Variants in MAPK4 observed in about 807,000 individuals in gnomAD.
MAPK4 encodes the protein mitogen-activated protein kinase 4.
In MAPK4, 22 loss-of-function variants were observed where a neutral mutation model predicts 47.7. That is an observed-to-expected ratio of 0.46 (90% CI 0.33 to 0.66). The LOEUF is 0.66. MAPK4 is among the 30% of genes least tolerant of loss of function. MAPK4 has a pLI of 0.02. For synonymous variants in MAPK4, 390 were observed against 365.7 expected (o/e 1.07, Z -0.76); for missense variants, 736 against 831.7 (o/e 0.88, Z 1.42).
chr18:50,607,350 G>T (rs1239993035), intron 1 of MAPK4, among the ~76,000 whole-genome samples: 1 of 152,186 alleles, frequency 6.6e-6, no homozygotes, highest in South Asian at 2.1e-4. Context: ...GAGGAAGTAG[G>T]ATATGAGCCC....
chr18:50,589,235 C>T (rs567634903), intron 1 of MAPK4, among the ~76,000 whole-genome samples: 1 of 152,142 alleles, frequency 6.6e-6, no homozygotes, highest in South Asian at 2.1e-4. Context: ...TGTATCTCAC[C>T]CAAACTCAAT....
At chr18:50,675,608 C>CA (rs1208526944) in intron 2 of MAPK4, among the ~76,000 whole-genome samples, 1 of 152,226 alleles carries the variant, frequency 6.6e-6, no homozygotes, top group East Asian at 1.9e-4. Flanking sequence ...TCTCCTGCCT[C>CA]AGCTTCCCAA....
chr18:50,688,915 GAC>G (rs1909048188), intron 2 of MAPK4, among the ~76,000 whole-genome samples: 1 of 109,624 alleles, frequency 9.1e-6, no homozygotes, highest in Non-Finnish European at 1.9e-5. Context: ...AAAAAAGAAA[GAC>G]AGTGCATATC....
intron 1 of MAPK4, among the ~76,000 whole-genome samples, chr18:50,637,186 C>T (rs1308489032): frequency 6.6e-6 from 1 of 152,068 alleles, no homozygotes; most frequent in Non-Finnish European, 1.5e-5. Context: ...CCCTCAGTGA[C>T]AACAGTGATA....
intron 1 of MAPK4, among the ~76,000 whole-genome samples, chr18:50,630,991 A>T (rs1427180494): frequency 6.6e-6 from 1 of 152,176 alleles, no homozygotes; most frequent in Non-Finnish European, 1.5e-5. Flanking sequence ...ACTACTCCCT[A>T]AAATTTATTT....
chr18:50,618,074 A>G (rs2042699866), intron 1 of MAPK4, among the ~76,000 whole-genome samples: 1 of 152,180 alleles, frequency 6.6e-6, no homozygotes, highest in Non-Finnish European at 1.5e-5. Flanking sequence ...TCATATGTGT[A>G]TGTATACACT....
chr18:50,624,161 G>A (rs1401317635), intron 1 of MAPK4, among the ~76,000 whole-genome samples: 1 of 152,204 alleles, frequency 6.6e-6, no homozygotes, highest in Non-Finnish European at 1.5e-5. Context: ...ACCAGAGCAA[G>A]GACCTGTTTA....
At chr18:50,595,648 C>T (rs895360723) in intron 1 of MAPK4, among the ~76,000 whole-genome samples, 1 of 152,126 alleles carries the variant, frequency 6.6e-6, no homozygotes, top group Non-Finnish European at 1.5e-5. Context: ...CTTCAAGACT[C>T]ATTAAATTGA....
At chr18:50,642,374 A>T (rs1378182802) in intron 1 of MAPK4, among the ~76,000 whole-genome samples, 2 of 152,164 alleles carry the variant, frequency 1.3e-5, no homozygotes, top group Non-Finnish European at 2.9e-5. Flanking sequence ...GGTTCAATTG[A>T]TCATTCTAAA....
chr18:50,646,699 A>C (rs2042992636), intron 1 of MAPK4, among the ~76,000 whole-genome samples: 1 of 152,154 alleles, frequency 6.6e-6, no homozygotes, highest in African/African-American at 2.4e-5. Context: ...GGAGCACAAT[A>C]GGTCCTCCCC....
chr18:50,614,414 C>A (rs973687896), intron 1 of MAPK4, among the ~76,000 whole-genome samples: 1 of 151,710 alleles, frequency 6.6e-6, no homozygotes, highest in Non-Finnish European at 1.5e-5. Context: ...AATTTAAGAT[C>A]AAAACACATG....
At chr18:50,717,912 G>A (rs1221010183) in intron 3 of MAPK4, among the ~76,000 whole-genome samples, 1 of 152,234 alleles carries the variant, frequency 6.6e-6, no homozygotes, top group Admixed American at 6.5e-5. Flanking sequence ...CTCATCTGCT[G>A]TGTGCACAGA....
At chr18:50,592,423 C>G (rs1436503708) in intron 1 of MAPK4, among the ~76,000 whole-genome samples, 5 of 152,150 alleles carry the variant, frequency 3.3e-5, no homozygotes, top group Admixed American at 3.3e-4. Flanking sequence ...AAGCCATTCC[C>G]CCTCGCTAGG....
intron 4 of MAPK4, among the ~76,000 whole-genome samples, 176 bp from the exon 5 acceptor site, chr18:50,725,786 T>G (rs567923912): frequency 6.6e-6 from 1 of 152,358 alleles, no homozygotes; most frequent in Admixed American, 6.5e-5. Context: ...AGGCAGCATC[T>G]GCTTTGCCTT....
intron 2 of MAPK4, 60 bp from the exon 3 acceptor site, chr18:50,715,019 C>T (rs968635281): frequency 2.0e-4 from 302 of 1,543,276 alleles, no homozygotes; most frequent in African/African-American, 8.6e-4. Flanking sequence ...CTGGAAGAGG[C>T]GTGGGAGGAA....
In MAPK4 at chr18:50,572,868, C is replaced by G. The variant is rs184465624; in HGVS notation, c.-871+12625C>G. Among the ~76,000 whole-genome samples the G allele has an allele frequency of 1.9e-3, 286 of 152,290 alleles. 2 individuals carry two copies. Among genetic ancestry groups the G allele is most frequent in the African/African-American group, 6.2e-3 (259 of 41,550 alleles). ...TAATCACATTATTATTTAATTATCA[C>G]CACCAAAAGCAACGTCAGATTTCAG... On this transcript the variant is annotated intron_variant, in intron 1 of 5. Coordinates refer to ENST00000400384, the MANE Select transcript of MAPK4 (RefSeq NM_002747.4).
chr18:50,632,226 C>T (rs1036104177), intron 1 of MAPK4, among the ~76,000 whole-genome samples: 6 of 152,158 alleles, frequency 3.9e-5, no homozygotes, highest in Non-Finnish European at 8.8e-5. Context: ...GCAAAAGCCA[C>T]GTATTTCTCT....
chr18:50,655,749 C>T (rs1184953146), intron 1 of MAPK4, among the ~76,000 whole-genome samples: 1 of 152,108 alleles, frequency 6.6e-6, no homozygotes, highest in African/African-American at 2.4e-5. Context: ...TTTTGGGGGC[C>T]TGTGTGGCCT....
intron 2 of MAPK4, among the ~76,000 whole-genome samples, chr18:50,696,462 G>A (rs1034888556): frequency 5.3e-5 from 8 of 151,836 alleles, no homozygotes; most frequent in East Asian, 2.0e-4. Flanking sequence ...TGAGGTGGGC[G>A]GCATCTCCTA....
Sources: allele counts gnomAD v4.1 joint callset (sites outside exome capture counted in the v4.1 genomes callset), GRCh38; gene constraint gnomAD v4.1.1; transcripts MANE v1.5; gene names NCBI Gene and HGNC (gene_info 2026-07-23, HGNC 2026-07-21).